The following C1orf185 variants were observed in gnomAD, a reference collection of about 807,000 sequenced individuals.
C1orf185 encodes chromosome 1 open reading frame 185.
In C1orf185, 13 loss-of-function variants were observed where a neutral mutation model predicts 16.1. The ratio of observed to expected loss-of-function variants is 0.81; its 90% CI spans 0.53 to 1.28. The LOEUF (loss-of-function observed/expected upper bound fraction) is 1.28. Among genes scored for constraint, C1orf185 ranks in the 50% most tolerant of loss-of-function variants. C1orf185 has a pLI of 0.00. For missense variants in C1orf185, 220 were observed against 225.2 expected, an observed-to-expected ratio of 0.98 and a Z score of 0.15; for synonymous variants, 80 against 76.9, an observed-to-expected ratio of 1.04 and a Z score of -0.21.
chr1:51,109,901 G>T lies in C1orf185; in HGVS notation c.17-2563G>T, dbSNP rs527633208. Among the ~76,000 whole-genome samples the T allele has an allele frequency of 2.0e-5, 3 of 152,074 alleles. No individual in the cohort carries two copies. In the South Asian group the frequency reaches 6.2e-4, roughly 32 times the overall value. On this transcript the variant is annotated intron_variant, in intron 1 of 4. Coordinates refer to ENST00000371759, the MANE Select transcript of C1orf185 (RefSeq NM_001136508.2). ...GTTTTGTGGTTTCATACACATTTTAGAATTTTTTCCTATTTCTGTGAAGAA... is the reference window on the plus strand; with the variant it reads ...GTTTTGTGGTTTCATACACATTTTATAATTTTTTCCTATTTCTGTGAAGAA...
At chr1:51,149,011 T>A (rs1646417811), downstream of C1orf185, among the ~76,000 whole-genome samples, 1 of 152,208 alleles carries the variant, frequency 6.6e-6, no homozygotes, top group South Asian at 2.1e-4. Context: ...CACTCTACTG[T>A]GATAAAAATG....
chr1:51,144,463 G>A (rs1405896753), intron 3 of C1orf185, among the ~76,000 whole-genome samples: 1 of 152,174 alleles, frequency 6.6e-6, no homozygotes, highest in Non-Finnish European at 1.5e-5. Flanking sequence ...TGTAATCCCA[G>A]CACTTTGGGA....
At chr1:51,124,279 G>A (rs985315943) in intron 3 of C1orf185, among the ~76,000 whole-genome samples, 3 of 151,952 alleles carry the variant, frequency 2.0e-5, no homozygotes, top group South Asian at 2.1e-4. Context: ...ACAGGGTTTC[G>A]CCATGTTGGC....
chr1:51,142,821 A>G (rs766438130), intron 3 of C1orf185, among the ~76,000 whole-genome samples: 1 of 152,098 alleles, frequency 6.6e-6, no homozygotes, highest in Non-Finnish European at 1.5e-5. Flanking sequence ...GGCCCAGGCT[A>G]GAGTGGCATG....
At chr1:51,122,137 T>C (rs1222575059) in intron 3 of C1orf185, among the ~76,000 whole-genome samples, 2 of 152,222 alleles carry the variant, frequency 1.3e-5, no homozygotes, top group Non-Finnish European at 2.9e-5. Context: ...TATTCCATTG[T>C]GTGAAAATAT....
intron 3 of C1orf185, among the ~76,000 whole-genome samples, chr1:51,120,493 A>C (rs1646190145): frequency 2.0e-5 from 3 of 152,228 alleles, no homozygotes. Context: ...TCCTGTAGTG[A>C]GCACCGTACA....
chr1:51,149,296 C>T (rs973855138), downstream of C1orf185, among the ~76,000 whole-genome samples: 3 of 152,136 alleles, frequency 2.0e-5, no homozygotes, highest in African/African-American at 7.2e-5. Context: ...ACAATAAATG[C>T]AATGAACTTT....
At chr1:51,132,522 G>A (rs1366493668) in intron 3 of C1orf185, among the ~76,000 whole-genome samples, 1 of 152,060 alleles carries the variant, frequency 6.6e-6, no homozygotes, top group African/African-American at 2.4e-5. Flanking sequence ...TCTGAAATTA[G>A]ATAGTCAAAC....
intron 3 of C1orf185, among the ~76,000 whole-genome samples, chr1:51,124,151 G>A (rs187037498): frequency 9.7e-5 from 14 of 144,514 alleles, no homozygotes; most frequent in Non-Finnish European, 1.6e-4. Flanking sequence ...GCGTGATCTC[G>A]GCTTGCTGCA....
intron 3 of C1orf185, among the ~76,000 whole-genome samples, chr1:51,134,452 A>G (rs1646307726): frequency 6.6e-6 from 1 of 152,104 alleles, no homozygotes; most frequent in Non-Finnish European, 1.5e-5. Context: ...GAGCAAACAA[A>G]TCCCAAAGCT....
chr1:51,110,555 G>T (rs887898626), intron 1 of C1orf185, among the ~76,000 whole-genome samples: 2 of 152,128 alleles, frequency 1.3e-5, no homozygotes, highest in East Asian at 3.8e-4. Context: ...CATATTCTTA[G>T]TGGAACTTGA....
chr1:51,117,521 C>T (rs1402671120), intron 2 of C1orf185, among the ~76,000 whole-genome samples: 1 of 152,096 alleles, frequency 6.6e-6, no homozygotes, highest in Non-Finnish European at 1.5e-5. Flanking sequence ...TTCATCCCTC[C>T]CTCCCCCTAA....
At chr1:51,126,239 G>C (rs1049525826) in intron 3 of C1orf185, among the ~76,000 whole-genome samples, 2 of 152,130 alleles carry the variant, frequency 1.3e-5, no homozygotes, top group Non-Finnish European at 2.9e-5. Flanking sequence ...GAGTGAACTG[G>C]TTCTATAATT....
chr1:51,134,366 TAA>T (rs1646307334), intron 3 of C1orf185, among the ~76,000 whole-genome samples: 2 of 152,076 alleles, frequency 1.3e-5, no homozygotes, highest in South Asian at 4.1e-4. Context: ...CATATAGCAC[TAA>T]ATGCCCACAT....
chr1:51,119,017 C>T (rs770033601), intron 3 of C1orf185, among the ~76,000 whole-genome samples: 9 of 152,126 alleles, frequency 5.9e-5, no homozygotes, highest in Non-Finnish European at 1.2e-4. Context: ...AGCCCAACAA[C>T]CTGCATTCCA....
intron 2 of C1orf185, among the ~76,000 whole-genome samples, chr1:51,116,581 T>C (rs1646159480): frequency 6.6e-6 from 1 of 152,154 alleles, no homozygotes; most frequent in African/African-American, 2.4e-5. Context: ...CCCAAAGTGC[T>C]GGGATTACAA....
intron 3 of C1orf185, among the ~76,000 whole-genome samples, chr1:51,139,876 C>T (rs1222797943): frequency 1.3e-5 from 2 of 152,152 alleles, no homozygotes; most frequent in African/African-American, 4.8e-5. Flanking sequence ...TTGGCATGTT[C>T]TTTTCATTCT....
intron 3 of C1orf185, among the ~76,000 whole-genome samples, chr1:51,135,421 C>A (rs976734344): frequency 1.3e-5 from 2 of 152,168 alleles, no homozygotes; most frequent in African/African-American, 4.8e-5. Context: ...TGCCTGTAGT[C>A]CCAGCTACTC....
intron 3 of C1orf185, among the ~76,000 whole-genome samples, chr1:51,136,693 C>T (rs1255687691): frequency 1.3e-5 from 2 of 152,112 alleles, no homozygotes; most frequent in African/African-American, 4.8e-5. Flanking sequence ...GGATAACTGG[C>T]TAACCATATG....
Sources: gnomAD v4.1 joint callset for allele counts (sites outside exome capture counted in the v4.1 genomes callset) on GRCh38, gnomAD v4.1.1 for gene constraint, MANE v1.5 for transcripts, NCBI Gene and HGNC (gene_info 2026-07-23, HGNC 2026-07-21) for gene names.